Variants in HERPUD2 observed in about 807,000 individuals in gnomAD.
The protein encoded by HERPUD2 is HERPUD family member 2.
Under a neutral mutation model 49.9 loss-of-function variants are expected in HERPUD2, and 13 were observed. That is an observed-to-expected ratio of 0.26 (90% CI 0.17 to 0.41). The LOEUF (loss-of-function observed/expected upper bound fraction) is 0.41. HERPUD2 is among the 10% of genes least tolerant of loss of function. HERPUD2 has a pLI of 1.00. For synonymous variants in HERPUD2, 172 were observed against 171.4 expected, an observed-to-expected ratio of 1.00 and a Z score of -0.03; for missense variants, 449 against 492.2, an observed-to-expected ratio of 0.91 and a Z score of 0.83.
chr7:35,667,720 C>A, intron 4 of HERPUD2, 132 bp from the exon 5 acceptor site: 3 of 673,004 alleles, frequency 4.5e-6, no homozygotes, highest in East Asian at 2.7e-5. Flanking sequence ...TGTTTTACAT[C>A]GTGTGTCCAG....
intron 5 of HERPUD2, among the ~76,000 whole-genome samples, chr7:35,643,217 C>A (rs1308839743): frequency 1.3e-5 from 2 of 152,134 alleles, no homozygotes; most frequent in Non-Finnish European, 2.9e-5. Flanking sequence ...GCCTTTTTAA[C>A]CGCACACCTA....
chr7:35,694,719 C>T, intron 1 of HERPUD2, 82 bp downstream of exon 1: 1 of 220,280 alleles, frequency 4.5e-6, no homozygotes, highest in Non-Finnish European at 9.3e-6. Context: ...TGGAACGCAA[C>T]AAGGCCCCTA....
chr7:35,661,482 G>A (rs10276529), intron 5 of HERPUD2, among the ~76,000 whole-genome samples: 143 of 152,108 alleles, frequency 9.4e-4, no homozygotes, highest in African/African-American at 3.3e-3. Context: ...CCATTTTCAC[G>A]ATATTGATTC....
At chr7:35,635,976 C>G (rs1179639339) in intron 6 of HERPUD2, among the ~76,000 whole-genome samples, 1 of 152,160 alleles carries the variant, frequency 6.6e-6, no homozygotes, top group Non-Finnish European at 1.5e-5. Context: ...GATAACAACC[C>G]TTCCACCCCA....
chr7:35,643,209 C>G (rs1414594227), intron 5 of HERPUD2, among the ~76,000 whole-genome samples: 5 of 152,160 alleles, frequency 3.3e-5, no homozygotes, highest in African/African-American at 1.2e-4. Context: ...TTGAAACTGC[C>G]TTTTTAACCG....
chr7:35,645,636 T>C (rs78393183), intron 5 of HERPUD2, among the ~76,000 whole-genome samples: 11,385 of 152,234 alleles, frequency 0.075, 600 homozygotes, highest in South Asian at 0.21. Context: ...GTCATATTTT[T>C]ATAACATTAA....
chr7:35,670,913 A>G (rs1785629830), intron 3 of HERPUD2, among the ~76,000 whole-genome samples: 1 of 152,114 alleles, frequency 6.6e-6, no homozygotes, highest in East Asian at 1.9e-4. Context: ...AATATTCCAA[A>G]TAACGATTAG....
At chr7:35,676,161 T>C (rs1783045866) in intron 2 of HERPUD2, among the ~76,000 whole-genome samples, 1 of 152,200 alleles carries the variant, frequency 6.6e-6, no homozygotes, top group African/African-American at 2.4e-5. Flanking sequence ...CTGTTATGCC[T>C]CTTTTAATCT....
At chr7:35,666,339 G>T (rs1389240567) in intron 5 of HERPUD2, among the ~76,000 whole-genome samples, 1 of 152,160 alleles carries the variant, frequency 6.6e-6, no homozygotes, top group African/African-American at 2.4e-5. Context: ...TCTTCTATTT[G>T]CTATATATTC....
In HERPUD2 at chr7:35,670,313, T is replaced by C. The variant is rs1398645807; in HGVS notation, c.241A>G (p.Met81Val). ...CGAGAAGTACATACTAGATGAACCA[T>C]ATGATACTCATCTTGCTAAAATTAA... is the stretch of plus-strand genomic sequence containing the variant. ...DILRKQDEYH[M>V]VHLVCTSRTP... The change falls in exon 4 of 9, where the codon ATG (methionine) becomes GTG (valine). Residue 81 changes from methionine to valine, a missense_variant. Physicochemically the swap from Met to Val is conservative, Grantham distance 21. Coordinates refer to ENST00000311350, the MANE Select transcript of HERPUD2 (RefSeq NM_022373.5). The C allele has an allele frequency of 3.3e-6, 5 of 1,493,082 alleles. No homozygotes were observed. The highest frequency in any genetic ancestry group is 1.4e-5 in the African/African-American group (1 of 69,846). The allele number at this position is 1,493,082 out of a possible 1,614,324, so 92.5% of individuals were successfully genotyped here.
chr7:35,646,989 G>C (rs1785065819), intron 5 of HERPUD2, among the ~76,000 whole-genome samples: 1 of 151,330 alleles, frequency 6.6e-6, no homozygotes, highest in Admixed American at 6.6e-5. Flanking sequence ...AAAAAACCAA[G>C]AAGGAGAAAG....
intron 2 of HERPUD2, among the ~76,000 whole-genome samples, chr7:35,686,761 G>T (rs1363656363): frequency 9.2e-6 from 1 of 108,308 alleles, no homozygotes; most frequent in African/African-American, 3.4e-5. Context: ...CCCATTTCCA[G>T]GCCAGGGGTG....
In HERPUD2 at chr7:35,685,578, A is replaced by C. The variant is rs1284337512; in HGVS notation, c.147+8606T>G. Among the ~76,000 whole-genome samples the C allele has an allele frequency of 2.0e-5, 3 of 151,860 alleles. No individual in the cohort carries two copies. The East Asian group carries it at 5.9e-4, about 30-fold the overall frequency. ...TGACCTCAGGTGATCTGCCCATTTCAGCCTCCCAAAGTGCTGAGATTACAG... is the reference window on the plus strand; with the variant it reads ...TGACCTCAGGTGATCTGCCCATTTCCGCCTCCCAAAGTGCTGAGATTACAG... On this transcript the variant is annotated intron_variant, in intron 2 of 8. Coordinates refer to ENST00000311350, the MANE Select transcript of HERPUD2 (RefSeq NM_022373.5).
intron 5 of HERPUD2, among the ~76,000 whole-genome samples, chr7:35,651,437 A>G (rs1378284797): frequency 6.6e-6 from 1 of 152,090 alleles, no homozygotes; most frequent in East Asian, 1.9e-4. Flanking sequence ...TCCACTAAAA[A>G]CCACACCCTA....
chr7:35,673,674 C>T lies in HERPUD2; in HGVS notation c.148-396G>A, dbSNP rs139382371. Reference sequence around the variant, plus strand: ...AATCGTCAACAGTAGGATAAAATTTCGATGTCACCAGAATCATTTTGCCTT... The same window carrying T: ...AATCGTCAACAGTAGGATAAAATTTTGATGTCACCAGAATCATTTTGCCTT... On this transcript the variant is annotated intron_variant, in intron 2 of 8. Transcript: ENST00000311350. Among the ~76,000 whole-genome samples, 19 of 152,186 alleles carry T rather than the reference C, an allele frequency of 1.2e-4. No individual in the cohort carries two copies. The East Asian group carries it at 3.5e-3, about 28-fold the overall frequency.
Position 35,660,116 on chromosome 7 carries a change from G to C in HERPUD2, c.494+7318C>G, listed in dbSNP as rs1785379369. The stretch of plus-strand genomic sequence containing the variant: ...TTGTTCAGTTCCCACCTATGAGTGA[G>C]AACATACGGTGTTTTGTTTTCTGTC... On this transcript the variant is annotated intron_variant, in intron 5 of 8. Transcript: ENST00000311350. Among the ~76,000 whole-genome samples, 3 of 152,176 alleles carry C rather than the reference G, an allele frequency of 2.0e-5. No homozygotes were observed. The South Asian group carries it at 6.2e-4, about 32-fold the overall frequency.
intron 5 of HERPUD2, among the ~76,000 whole-genome samples, chr7:35,656,355 A>G (rs931548238): frequency 4.6e-5 from 7 of 152,112 alleles, no homozygotes; most frequent in African/African-American, 1.7e-4. Context: ...AAGACACCCT[A>G]TGCTCATGAA....
chr7:35,690,197 C>T (rs1786148117), intron 2 of HERPUD2, among the ~76,000 whole-genome samples: 1 of 152,170 alleles, frequency 6.6e-6, no homozygotes, highest in Non-Finnish European at 1.5e-5. Flanking sequence ...GAAGTGATGT[C>T]AAATGTCATA....
At position 35,635,337 on chromosome 7, in the gene HERPUD2, C is replaced by T; in HGVS notation, c.739G>A (p.Ala247Thr). 2 of 1,614,092 alleles carry T rather than the reference C, an allele frequency of 1.2e-6. No individual in the cohort carries two copies. The highest frequency in any genetic ancestry group is 1.7e-6 in the Non-Finnish European group (2 of 1,180,026). The part of the protein sequence containing the change: ...EEPPPAPNLV[A>T]QENRPMNENV... The stretch of plus-strand genomic sequence containing the variant: ...TCATTCATGGGTCGATTTTCTTGGG[C>T]CACTAGGTTTGGAGCTGGTGGGGGT... The change falls in exon 7 of 9, where the codon GCC (alanine) becomes ACC (threonine). Residue 247 changes from alanine to threonine, a missense_variant. Transcript: ENST00000311350.
Sources: gnomAD v4.1 joint callset for allele counts (sites outside exome capture counted in the v4.1 genomes callset) on GRCh38, gnomAD v4.1.1 for gene constraint, MANE v1.5 for transcripts, NCBI Gene and HGNC (gene_info 2026-07-23, HGNC 2026-07-21) for gene names.